Variants in PCDH15 observed in about 807,000 individuals in gnomAD.
PCDH15 encodes the protein protocadherin-15.
In PCDH15, 129 loss-of-function variants were observed where a neutral mutation model predicts 178.5. The ratio of observed to expected loss-of-function variants is 0.72; its 90% CI spans 0.63 to 0.84. The LOEUF is 0.84. Ranked by LOEUF, PCDH15 falls within the 40% of genes least tolerant of loss-of-function variation. The probability of loss-of-function intolerance (pLI) is 0.00; values close to 1 mark genes in which losing one functional copy is unlikely to be tolerated. For synonymous variants in PCDH15, 800 were observed against 732.0 expected, an observed-to-expected ratio of 1.09 and a Z score of -1.50; for missense variants, 2,230 against 2,099.9, an observed-to-expected ratio of 1.06 and a Z score of -1.21.
Position 55,533,192 on chromosome 10 carries a change from C to G in PCDH15, c.-156+94433G>C, listed in dbSNP as rs532937426. Among the ~76,000 whole-genome samples, 22 of 152,164 alleles carry G rather than the reference C, an allele frequency of 1.4e-4. No individual in the cohort carries two copies. The South Asian group carries it at 4.6e-3, about 32-fold the overall frequency. On this transcript the variant is annotated intron_variant, in intron 2 of 5. Transcript: ENST00000613346. ...CAAGGTAAGGATGCCCTCTCTTACA[C>G]TCCTATTTAGCATAGTATTGGAATT...
At chr10:53,973,490 G>T (rs1158031275) in intron 21 of PCDH15, among the ~76,000 whole-genome samples, 1 of 151,772 alleles carries the variant, frequency 6.6e-6, no homozygotes, top group South Asian at 2.1e-4. Context: ...GCGTTACTAC[G>T]GCGATATATT....
At chr10:55,571,096 C>A (rs887845837) in intron 2 of PCDH15, among the ~76,000 whole-genome samples, 1 of 152,020 alleles carries the variant, frequency 6.6e-6, no homozygotes, top group Non-Finnish European at 1.5e-5. Flanking sequence ...GCAGGTGGCT[C>A]CCTCATGAAT....
At chr10:55,524,089 T>C (rs917839674) in intron 2 of PCDH15, among the ~76,000 whole-genome samples, 1 of 150,716 alleles carries the variant, frequency 6.6e-6, no homozygotes. Flanking sequence ...TTTCTAAAAA[T>C]AGCTACCTTG....
Position 53,840,337 on chromosome 10 carries a change from A to G in PCDH15, c.3966T>C (p.Asp1322=), listed in dbSNP as rs754979091. The G allele has an allele frequency of 8.7e-6, 14 of 1,614,058 alleles. No individual in the cohort carries two copies. The highest frequency in any genetic ancestry group is 3.3e-5 in the South Asian group (3 of 91,094). The change falls in exon 29 of 38, where the codon GAT becomes GAC. Residue 1322 remains aspartate (D), a synonymous_variant. Coordinates refer to ENST00000644397, the MANE Select transcript of PCDH15 (RefSeq NM_001384140.1). Reference sequence around the variant, plus strand: ...GCACTTACTTAAAAAGCTCATTTCTATCGATGGCTCTGTTGGTTTGGGGGT... The same window carrying G: ...GCACTTACTTAAAAAGCTCATTTCTGTCGATGGCTCTGTTGGTTTGGGGGT... The part of the protein sequence containing the change: ...AIDPQTNRAI[D]RNELFKFLDG...
At chr10:55,248,256 G>T (rs1322904085) in intron 1 of PCDH15, among the ~76,000 whole-genome samples, 1 of 151,388 alleles carries the variant, frequency 6.6e-6, no homozygotes, top group Non-Finnish European at 1.5e-5. Flanking sequence ...CAGATTTTAT[G>T]ATGTTTAGAT....
intron 14 of PCDH15, among the ~76,000 whole-genome samples, chr10:54,146,963 A>ATATATATAGTGTATATATATAG (rs1564530757): frequency 2.8e-4 from 25 of 90,874 alleles, no homozygotes; most frequent in Non-Finnish European, 4.1e-4. Context: ...TATATATATA[A>ATATATATAGTGTATATATATAG]TGTATATATA....
At chr10:54,424,443 C>T (rs1276554837) in intron 3 of PCDH15, among the ~76,000 whole-genome samples, 2 of 151,882 alleles carry the variant, frequency 1.3e-5, no homozygotes. Context: ...TTGTGGAAGA[C>T]AGTGTGGCCA....
At chr10:54,428,664 A>G (rs1455372216) in intron 3 of PCDH15, among the ~76,000 whole-genome samples, 2 of 152,204 alleles carry the variant, frequency 1.3e-5, no homozygotes, top group Admixed American at 6.5e-5. Context: ...AAGGTCAAGG[A>G]TAAAGAAAAT....
Position 54,359,751 on chromosome 10 carries a change from G to GT in PCDH15, c.474+9368dup, listed in dbSNP as rs1010356625. 1.5e-4 allele frequency among the ~76,000 whole-genome samples: 23 copies of GT among 151,940 alleles called. 1 individual carries two copies. Among genetic ancestry groups the GT allele is most frequent in the Non-Finnish European group, 1.5e-5 (1 of 67,930 alleles). On this transcript the variant is annotated intron_variant, in intron 5 of 37. Transcript: ENST00000644397. ...TGTGCTTTCATTTGGCTGAAGTTTG[G>GT]TTTTTTGTGTGTCTGCTAATTGATA...
intron 3 of PCDH15, among the ~76,000 whole-genome samples, chr10:54,421,099 T>A (rs6481097): frequency 6.6e-6 from 1 of 151,940 alleles, no homozygotes; most frequent in Non-Finnish European, 1.5e-5. Flanking sequence ...CAATAAATAA[T>A]AGTACTTTCT....
At chr10:54,555,746 A>AC (rs2087154549) in intron 2 of PCDH15, among the ~76,000 whole-genome samples, 1 of 148,958 alleles carries the variant, frequency 6.7e-6, no homozygotes, top group African/African-American at 2.4e-5. Flanking sequence ...CAAAAAAAAA[A>AC]AAAAAAAAGA....
intron 2 of PCDH15, among the ~76,000 whole-genome samples, chr10:55,609,411 C>T (rs1376333222): frequency 6.6e-6 from 1 of 152,072 alleles, no homozygotes; most frequent in East Asian, 1.9e-4. Flanking sequence ...CATCTCATAG[C>T]TCTCATGGTA....
chr10:53,837,362 G>C (rs1361791622), intron 29 of PCDH15, among the ~76,000 whole-genome samples: 1 of 151,832 alleles, frequency 6.6e-6, no homozygotes, highest in Non-Finnish European at 1.5e-5. Flanking sequence ...AAGCAATTCA[G>C]GTAACCAAAA....
chr10:55,414,293 G>T (rs1565114370), intron 2 of PCDH15, among the ~76,000 whole-genome samples: 1 of 151,386 alleles, frequency 6.6e-6, no homozygotes, highest in Non-Finnish European at 1.5e-5. Context: ...TGTGTAGGTT[G>T]GTATACTCAT....
chr10:55,067,810 G>C (rs553227020), intron 2 of PCDH15, among the ~76,000 whole-genome samples: 3 of 151,956 alleles, frequency 2.0e-5, no homozygotes, highest in African/African-American at 7.2e-5. Flanking sequence ...ATATTTTATT[G>C]TGGTTTTCAT....
intron 2 of PCDH15, among the ~76,000 whole-genome samples, chr10:55,599,017 A>G (rs1843003498): frequency 6.6e-6 from 1 of 152,182 alleles, no homozygotes; most frequent in African/African-American, 2.4e-5. Flanking sequence ...ACAAAAGTAT[A>G]GGAGATAGAA....
intron 3 of PCDH15, among the ~76,000 whole-genome samples, chr10:54,849,226 T>C (rs1441828064): frequency 6.6e-6 from 1 of 152,194 alleles, no homozygotes; most frequent in Non-Finnish European, 1.5e-5. Context: ...TTTCAGCCCA[T>C]TTTTGTCTTT....
At chr10:54,812,623 T>C (rs1952882940) in intron 3 of PCDH15, among the ~76,000 whole-genome samples, 1 of 152,018 alleles carries the variant, frequency 6.6e-6, no homozygotes, top group South Asian at 2.1e-4. Context: ...CATGCCCAGG[T>C]AATTTTTATA....
At chr10:55,571,507 A>T (rs1237562110) in intron 2 of PCDH15, among the ~76,000 whole-genome samples, 2 of 152,112 alleles carry the variant, frequency 1.3e-5, no homozygotes, top group African/African-American at 4.8e-5. Context: ...TTAATAGGTA[A>T]TAATTTAAGA....
Sources: gnomAD v4.1 joint callset for allele counts (sites outside exome capture counted in the v4.1 genomes callset) on GRCh38, gnomAD v4.1.1 for gene constraint, MANE v1.5 for transcripts, NCBI Gene and HGNC (gene_info 2026-07-23, HGNC 2026-07-21) for gene names.